Variants in CNIH3 observed in about 807,000 individuals in gnomAD.
The protein encoded by CNIH3 is cornichon family AMPA receptor auxiliary protein 3, also known as protein cornichon homolog 3.
A neutral mutation model predicts 24.1 loss-of-function variants in CNIH3; 14 were observed. The observed-to-expected ratio is 0.58, with a 90% CI of 0.38 to 0.91. The LOEUF is 0.91. Ranked by LOEUF, CNIH3 falls within the 40% of genes least tolerant of loss-of-function variation. The probability of loss-of-function intolerance (pLI) is 0.00; values close to 1 mark genes in which losing one functional copy is unlikely to be tolerated. For synonymous variants in CNIH3, 68 were observed against 73.8 expected (o/e 0.92, Z 0.40); for missense variants, 178 against 196.8 (o/e 0.90, Z 0.57).
chr1:224,683,460 G>C (rs1287372117), intron 2 of CNIH3, among the ~76,000 whole-genome samples: 3 of 152,186 alleles, frequency 2.0e-5, no homozygotes, highest in Non-Finnish European at 4.4e-5. Context: ...CCTCTATAGA[G>C]CCCCCAAGGC....
chr1:224,520,778 C>G (rs1185308466), intron 1 of CNIH3, among the ~76,000 whole-genome samples: 1 of 152,186 alleles, frequency 6.6e-6, no homozygotes, highest in East Asian at 1.9e-4. Flanking sequence ...CCTGCCACAG[C>G]TGCATGAAGA....
chr1:224,484,955 G>C (rs972779690), intron 1 of CNIH3, among the ~76,000 whole-genome samples: 6 of 152,126 alleles, frequency 3.9e-5, no homozygotes, highest in Non-Finnish European at 8.8e-5. Context: ...TTCTGGGTCA[G>C]TTTATCTTGA....
chr1:224,573,425 C>T (rs762222085), intron 4 of CNIH3, among the ~76,000 whole-genome samples: 5 of 152,084 alleles, frequency 3.3e-5, no homozygotes, highest in South Asian at 2.1e-4. Context: ...CGAGCTCAGC[C>T]GCTGCCTTTG....
chr1:224,608,800 C>T (rs1682551392), intron 3 of CNIH3, among the ~76,000 whole-genome samples: 1 of 152,166 alleles, frequency 6.6e-6, no homozygotes, highest in Admixed American at 6.5e-5. Context: ...AGTGGCCTGC[C>T]AGCAGTTGGG....
intron 3 of CNIH3, among the ~76,000 whole-genome samples, chr1:224,699,455 C>T (rs1687363233): frequency 6.6e-6 from 1 of 152,220 alleles, no homozygotes; most frequent in Non-Finnish European, 1.5e-5. Flanking sequence ...CTTCTTCTCA[C>T]AGGTCTGGAG....
At chr1:224,548,862 C>A (rs1014123144) in intron 3 of CNIH3, among the ~76,000 whole-genome samples, 1 of 151,788 alleles carries the variant, frequency 6.6e-6, no homozygotes, top group East Asian at 1.9e-4. Context: ...TACCCTGGGA[C>A]GTTATTCGTA....
chr1:224,708,584 T>C (rs1687952023), intron 3 of CNIH3, among the ~76,000 whole-genome samples: 1 of 152,218 alleles, frequency 6.6e-6, no homozygotes, highest in Non-Finnish European at 1.5e-5. Context: ...AAACTGCTGA[T>C]TGAAGGTCAC....
chr1:224,676,879 G>A (rs1686165476), intron 1 of CNIH3, among the ~76,000 whole-genome samples: 1 of 152,198 alleles, frequency 6.6e-6, no homozygotes, highest in Admixed American at 6.5e-5. Context: ...TAAGTGGGGG[G>A]TAGCCTAACC....
intron 1 of CNIH3, among the ~76,000 whole-genome samples, chr1:224,634,616 G>A (rs1683996577): frequency 6.6e-6 from 1 of 151,540 alleles, no homozygotes; most frequent in Admixed American, 6.6e-5. Flanking sequence ...CTAGCTTGGT[G>A]TCTCCCAGTC....
At chr1:224,534,337 G>T (rs1034821342) in intron 2 of CNIH3, among the ~76,000 whole-genome samples, 1 of 152,194 alleles carries the variant, frequency 6.6e-6, no homozygotes, top group Non-Finnish European at 1.5e-5. Context: ...TGAAATGTCT[G>T]GTGGAGTCTG....
Position 224,704,275 on chromosome 1 carries a change from G to A in CNIH3, c.198+19432G>A, listed in dbSNP as rs565085755. 6.6e-6 allele frequency among the ~76,000 whole-genome samples: 1 copy of A among 152,250 alleles called. No homozygotes were observed. The highest frequency in any genetic ancestry group is 1.5e-5 in the Non-Finnish European group (1 of 68,022). On this transcript the variant is annotated intron_variant, in intron 3 of 5. Coordinates refer to ENST00000272133, the MANE Select transcript of CNIH3 (RefSeq NM_152495.2). This position sits in a 1 kb window ranked among gnomAD's most constrained non-coding sequence, Gnocchi z 4.2. ...GCAGAGGCACGGGAACAATGAGAAG[G>A]CTCTCTCCAGGGCAGTGTGGCCCTG...
At chr1:224,701,874 C>T (rs544832834) in intron 3 of CNIH3, among the ~76,000 whole-genome samples, 16 of 152,180 alleles carry the variant, frequency 1.1e-4, no homozygotes, top group African/African-American at 2.4e-4. Context: ...TTTCATTTTT[C>T]GTTATTAATT....
chr1:224,448,432 CA>C, intron 1 of CNIH3, among the ~76,000 whole-genome samples: 1 of 152,240 alleles, frequency 6.6e-6, no homozygotes, highest in South Asian at 2.1e-4. Flanking sequence ...AAAAATGGAA[CA>C]GGGGAGGTAA....
At chr1:224,675,439 T>C (rs1193644592) in intron 1 of CNIH3, among the ~76,000 whole-genome samples, 2 of 152,192 alleles carry the variant, frequency 1.3e-5, no homozygotes, top group Admixed American at 6.5e-5. Flanking sequence ...AATACCCAAA[T>C]ATGATCCATA....
chr1:224,623,176 C>G (rs1484636639), intron 1 of CNIH3, among the ~76,000 whole-genome samples: 4 of 152,180 alleles, frequency 2.6e-5, no homozygotes, highest in African/African-American at 9.7e-5. Context: ...TTCTCTACTC[C>G]CGCACTCTGC....
At chr1:224,567,743 G>A (rs368017462) in intron 4 of CNIH3, among the ~76,000 whole-genome samples, 2 of 152,032 alleles carry the variant, frequency 1.3e-5, no homozygotes, top group East Asian at 3.9e-4. Flanking sequence ...TTATTTTCTA[G>A]TCAAAAAGAT....
At position 224,604,087 on chromosome 1, in the gene CNIH3, C is replaced by T. The variant is rs751727942; in HGVS notation, n.402+37823C>T. ...GAGTGATAAAAATGTGATGTATATA[C>T]ACAATGCTTTGTGATTAATAAGCAC... On this transcript the variant is annotated intron_variant and non_coding_transcript_variant, in intron 3 of 7. Transcript: ENST00000478120. The surrounding 1 kb of genome is among the most constrained non-coding windows in gnomAD (Gnocchi z 4.4). 2.0e-5 allele frequency among the ~76,000 whole-genome samples: 3 copies of T among 152,206 alleles called. No individual in the cohort carries two copies. Among genetic ancestry groups the T allele is most frequent in the Non-Finnish European group, 2.9e-5 (2 of 68,036 alleles).
chr1:224,479,669 T>G (rs1303252028), intron 1 of CNIH3, among the ~76,000 whole-genome samples: 2 of 152,242 alleles, frequency 1.3e-5, no homozygotes, highest in African/African-American at 2.4e-5. Flanking sequence ...CATGCAAGTC[T>G]GAAATCCAGC....
intron 3 of CNIH3, among the ~76,000 whole-genome samples, chr1:224,601,450 G>C (rs990902589): frequency 6.6e-6 from 1 of 152,112 alleles, no homozygotes; most frequent in Non-Finnish European, 1.5e-5. Flanking sequence ...AGATCTTATC[G>C]GGAAGCTGTT....
Sources: allele counts gnomAD v4.1 joint callset (sites outside exome capture counted in the v4.1 genomes callset), GRCh38; gene constraint gnomAD v4.1.1; non-coding constraint Gnocchi (gnomAD v3.1); transcripts MANE v1.5; gene names NCBI Gene and HGNC (gene_info 2026-07-23, HGNC 2026-07-21).